The following OFD1 variants were observed in gnomAD, a reference collection of about 807,000 sequenced individuals.
OFD1 encodes the protein centriole and centriolar satellite protein OFD1.
In OFD1, 12 loss-of-function variants were observed where a neutral mutation model predicts 81.4. That is an observed-to-expected ratio of 0.15 (90% CI 0.09 to 0.24). The LOEUF is 0.24. Among genes scored for constraint, OFD1 ranks in the 10% least tolerant of loss-of-function variants. The pLI, the probability that OFD1 is intolerant of heterozygous loss-of-function variation, is 1.00. For missense variants in OFD1, 685 were observed against 733.9 expected, an observed-to-expected ratio of 0.93 and a Z score of 0.77; for synonymous variants, 256 against 263.7, an observed-to-expected ratio of 0.97 and a Z score of 0.28.
At position 13,767,155 on chromosome X, in the gene OFD1, A is replaced by C. The variant is rs1451306336; in HGVS notation, c.2628A>C (p.Gln876His). The stretch of plus-strand genomic sequence containing the variant: ...TAGATCAGAAACAAATTGAAGAACA[A>C]AAGGAAGAAGAAAAAATACGGGAAC... ...PSVDQKQIEEQKEEEKIREQQ... is the reference protein window; with the variant it reads ...PSVDQKQIEEHKEEEKIREQQ... Residue 876 changes from glutamine to histidine, a missense_variant, in exon 20 of 23, where the codon CAA becomes CAC. Transcript: ENST00000340096. 1 of 1,177,213 alleles carries C rather than the reference A, an allele frequency of 8.5e-7. No homozygotes were observed. The highest frequency in any genetic ancestry group is 3.0e-5 in the East Asian group (1 of 32,793).
At position 13,761,040 on chromosome X, in the gene OFD1, C is replaced by G. The variant is rs185443066; in HGVS notation, c.2261-45C>G. ...TTAGAAACCACGTTGGTATCTTCTC[C>G]GTGCAATTGGTAATATTCTTGCCTT... is the stretch of plus-strand genomic sequence containing the variant. On this transcript the variant is annotated intron_variant, in intron 16 of 22. Coordinates refer to ENST00000340096, the MANE Select transcript of OFD1 (RefSeq NM_003611.3). The G allele has an allele frequency of 4.4e-5, 53 of 1,204,770 alleles. No homozygotes were observed. In the African/African-American group the frequency reaches 7.9e-4, roughly 18 times the overall value.
chrX:13,773,079 A>G (rs1476686139), downstream of OFD1: 2 of 1,123,381 alleles, frequency 1.8e-6, no homozygotes, highest in Non-Finnish European at 2.4e-6. Flanking sequence ...GTGAGAAGGC[A>G]AAGCGAGGCG....
At chrX:13,733,138 G>A (rs756238307), upstream of OFD1, among the ~76,000 whole-genome samples, 3 of 109,209 alleles carry the variant, frequency 2.7e-5, no homozygotes, top group South Asian at 1.1e-3. Flanking sequence ...GGGGTCTTCA[G>A]GAACATTTTT....
At chrX:13,772,566 T>C (rs1332461203), downstream of OFD1, 1 of 229,117 alleles carries the variant, frequency 4.4e-6, no homozygotes, top group Non-Finnish European at 8.0e-6. Flanking sequence ...GTGTGACATA[T>C]TCCATTGAGT....
chrX:13,752,363 CGAG>C lies in OFD1; in HGVS notation c.1055+998_1055+1000del, dbSNP rs764565560. ...GTTAATATTTGTTGTAAATGTGTCA[CGAG>C]GAAATGATTCAACTCAGGTGCTCTG... On this transcript the variant is annotated intron_variant, in intron 10 of 22. Transcript: ENST00000340096. Among the ~76,000 whole-genome samples the C allele has an allele frequency of 2.7e-5, 3 of 112,236 alleles. No homozygotes were observed. In the East Asian group the frequency reaches 8.3e-4, roughly 31 times the overall value.
chrX:13,753,468 T>C, intron 11 of OFD1, 27 bp downstream of exon 11: 1 of 1,200,223 alleles, frequency 8.3e-7, no homozygotes, highest in Non-Finnish European at 1.1e-6. Flanking sequence ...AAATAAGCTG[T>C]ATTTTTCAGT....
chrX:13,759,329 T>C (rs990231866), intron 15 of OFD1, among the ~76,000 whole-genome samples: 1 of 112,375 alleles, frequency 8.9e-6, no homozygotes, highest in African/African-American at 3.2e-5. Context: ...TTGTGAAACT[T>C]CTCACAGCTG....
intron 3 of OFD1, 82 bp downstream of exon 3, chrX:13,736,760 A>G: frequency 1.4e-6 from 1 of 713,934 alleles, no homozygotes. Context: ...TATGATAGCT[A>G]AGTGCTCCTC....
At chrX:13,716,191 G>C in the OFD1 span, 375 of 903,454 alleles carry the variant, frequency 4.2e-4, 1 homozygote, top group Non-Finnish European at 5.1e-4. Flanking sequence ...GTGTATTTGT[G>C]ATGGAAAAGT....
intron 11 of OFD1, 41 bp downstream of exon 11, chrX:13,753,482 G>C (rs2047579324): frequency 1.7e-6 from 2 of 1,178,711 alleles, no homozygotes; most frequent in Admixed American, 2.2e-5. Context: ...TTTCAGTTCT[G>C]CTGTAGGTTA....
chrX:13,718,561 A>G, the OFD1 span, among the ~76,000 whole-genome samples: 1 of 112,534 alleles, frequency 8.9e-6, no homozygotes, highest in African/African-American at 3.2e-5. Flanking sequence ...CCCACAAAGC[A>G]GTACTGGTAC....
rs1273010339 is a variant in OFD1, at chrX:13,760,495, T to G, written c.2035T>G (p.Phe679Val). 1 of 1,165,737 alleles carries G rather than the reference T, an allele frequency of 8.6e-7. No individual in the cohort carries two copies. Among genetic ancestry groups the G allele is most frequent in the Non-Finnish European group, 1.1e-6 (1 of 875,842 alleles). Residue 679 changes from phenylalanine to valine, a missense_variant, in exon 16 of 23, where the codon TTC becomes GTC. Phe to Val is a conservative substitution (Grantham distance 50). Coordinates refer to ENST00000340096, the MANE Select transcript of OFD1 (RefSeq NM_003611.3). Reference protein sequence around the residue: ...SPPSLHLLEAFKNITSSSPER... With the variant: ...SPPSLHLLEAVKNITSSSPER... The stretch of plus-strand genomic sequence containing the variant: ...ACCATCTCTGCACTTGCTGGAAGCC[T>G]TCAAAAACATTACTTCCAGTTCCCC...
intron 5 of OFD1, chrX:13,739,319 T>C (rs1242965200): frequency 3.4e-6 from 1 of 296,809 alleles, no homozygotes. Context: ...AAAAAACTAA[T>C]AACTTTTAGG....
chrX:13,769,898 GA>G (rs2048268673), downstream of OFD1, among the ~76,000 whole-genome samples: 1 of 111,999 alleles, frequency 8.9e-6, no homozygotes. Context: ...AAAACTGTAA[GA>G]AATACATTTC....
chrX:13,768,504 C>G (rs1238346406), intron 21 of OFD1, among the ~76,000 whole-genome samples: 1 of 112,199 alleles, frequency 8.9e-6, no homozygotes, highest in East Asian at 2.8e-4. Flanking sequence ...TGCATTAATA[C>G]TGACATTAAT....
chrX:13,770,370 TG>T (rs2147093341), downstream of OFD1, among the ~76,000 whole-genome samples: 1 of 112,354 alleles, frequency 8.9e-6, no homozygotes, highest in Admixed American at 9.4e-5. Context: ...CATTTAGGAA[TG>T]GCCATGTGTC....
intron 12 of OFD1, among the ~76,000 whole-genome samples, chrX:13,755,946 C>CTTTTTTTTTTTTTTTTTTT (rs34300430): frequency 6.1e-5 from 4 of 65,098 alleles, no homozygotes; most frequent in African/African-American, 2.6e-4. Flanking sequence ...CTTTCTTTCC[C>CTTTTTTTTTTTTTTTTTTT]TTTTTTTTTT....
chrX:13,755,851 T>C (rs1167187890), intron 12 of OFD1, among the ~76,000 whole-genome samples: 1 of 111,140 alleles, frequency 9.0e-6, no homozygotes, highest in Non-Finnish European at 1.9e-5. Flanking sequence ...GTGACTTATG[T>C]GAGAACTTTG....
chrX:13,738,721 G>A (rs774987791), intron 3 of OFD1, 125 bp from the exon 4 acceptor site: 2 of 481,570 alleles, frequency 4.2e-6, no homozygotes, highest in African/African-American at 2.4e-5. Flanking sequence ...TGCTTTATTA[G>A]CATAGTTATA....
Sources: gnomAD v4.1 joint callset for allele counts (sites outside exome capture counted in the v4.1 genomes callset) on GRCh38, gnomAD v4.1.1 for gene constraint, MANE v1.5 for transcripts, NCBI Gene and HGNC (gene_info 2026-07-23, HGNC 2026-07-21) for gene names.